The following RGS6 variants were observed in gnomAD, a reference collection of about 807,000 sequenced individuals.
RGS6 encodes the protein regulator of G-protein signaling 6.
RGS6 carries 30 observed loss-of-function variants against 78.5 expected under a neutral mutation model. The observed-to-expected ratio is 0.38, with a 90% CI of 0.29 to 0.52. The LOEUF is 0.52. RGS6 is among the 20% of genes least tolerant of loss of function. RGS6 has a pLI of 0.85. For synonymous variants in RGS6, 206 were observed against 206.0 expected (o/e 1.00, Z 0.00); for missense variants, 495 against 609.7 (o/e 0.81, Z 1.98).
At chr14:71,975,169 G>A (rs1409482900) in intron 2 of RGS6, among the ~76,000 whole-genome samples, 1 of 152,054 alleles carries the variant, frequency 6.6e-6, no homozygotes, top group Non-Finnish European at 1.5e-5. Flanking sequence ...CAAAAAGAAA[G>A]TCTTTGTTTC....
chr14:71,945,360 T>A (rs1778945860), intron 1 of RGS6, among the ~76,000 whole-genome samples: 1 of 152,238 alleles, frequency 6.6e-6, no homozygotes, highest in Admixed American at 6.5e-5. Flanking sequence ...TGATTCATAC[T>A]AATTGTTTAA....
At chr14:72,300,008 T>G (rs1252416259) in intron 2 of RGS6, among the ~76,000 whole-genome samples, 1 of 152,170 alleles carries the variant, frequency 6.6e-6, no homozygotes, top group Non-Finnish European at 1.5e-5. Flanking sequence ...TCCTTTTTAC[T>G]ACTTCATTCT....
At chr14:72,283,349 G>A (rs906573783) in intron 2 of RGS6, among the ~76,000 whole-genome samples, 3 of 152,172 alleles carry the variant, frequency 2.0e-5, no homozygotes, top group African/African-American at 7.2e-5. Flanking sequence ...AGGAATCTCT[G>A]AGATGGTTTG....
chr14:72,382,411 A>G (rs961743797), intron 3 of RGS6, among the ~76,000 whole-genome samples: 1 of 152,212 alleles, frequency 6.6e-6, no homozygotes, highest in African/African-American at 2.4e-5. Context: ...ATTTTAATTC[A>G]CTAAACTGGA....
At chr14:72,305,434 A>G (rs767704476) in intron 2 of RGS6, among the ~76,000 whole-genome samples, 1 of 152,222 alleles carries the variant, frequency 6.6e-6, no homozygotes, top group Non-Finnish European at 1.5e-5. Context: ...TCCATTGAGC[A>G]AGTCTATCAG....
the RGS6 span, among the ~76,000 whole-genome samples, chr14:72,616,242 C>T: frequency 4.7e-4 from 72 of 152,282 alleles, no homozygotes; most frequent in Admixed American, 2.8e-3. Context: ...CAGTGTTGGT[C>T]GGAAAGTGAG....
chr14:72,341,917 C>A (rs2077085478), intron 2 of RGS6, among the ~76,000 whole-genome samples: 1 of 151,822 alleles, frequency 6.6e-6, no homozygotes, highest in South Asian at 2.1e-4. Context: ...ATGTTCCCTG[C>A]CTTTTCCAGG....
intron 2 of RGS6, among the ~76,000 whole-genome samples, chr14:72,125,698 T>A (rs149298541): frequency 2.0e-5 from 3 of 152,152 alleles, no homozygotes; most frequent in Non-Finnish European, 4.4e-5. Context: ...AGGGAGGTAA[T>A]TGGTGATCTG....
chr14:72,236,406 G>A (rs2051040796), intron 2 of RGS6, among the ~76,000 whole-genome samples: 1 of 152,038 alleles, frequency 6.6e-6, no homozygotes, highest in South Asian at 2.1e-4. Context: ...ATATATTTCA[G>A]GTAAAATGTG....
intron 4 of RGS6, among the ~76,000 whole-genome samples, chr14:72,454,880 A>G (rs1427165376): frequency 6.6e-6 from 1 of 152,248 alleles, no homozygotes; most frequent in Non-Finnish European, 1.5e-5. Flanking sequence ...AAGTTGTAGC[A>G]CTGTCACTGA....
chr14:72,358,939 G>A (rs2080919710), intron 3 of RGS6, among the ~76,000 whole-genome samples: 1 of 152,206 alleles, frequency 6.6e-6, no homozygotes, highest in South Asian at 2.1e-4. Flanking sequence ...GAAGGATGCA[G>A]TGGGAGGTAA....
At chr14:71,988,343 T>C (rs150877987) in intron 2 of RGS6, among the ~76,000 whole-genome samples, 165 of 152,310 alleles carry the variant, frequency 1.1e-3, no homozygotes, top group Non-Finnish European at 1.7e-3. Flanking sequence ...TTAGGACAGT[T>C]GTCAGCAAGC....
intron 3 of RGS6, among the ~76,000 whole-genome samples, chr14:72,384,512 T>A (rs561627708): frequency 1.3e-5 from 2 of 152,354 alleles, no homozygotes; most frequent in East Asian, 3.9e-4. Flanking sequence ...GCCTAAATTG[T>A]ACTGTTTGCA....
intron 13 of RGS6, among the ~76,000 whole-genome samples, chr14:72,508,562 CTTTTTTTTTTTTTTTT>C (rs61097187): frequency 5.3e-5 from 3 of 56,460 alleles, no homozygotes; most frequent in Admixed American, 2.6e-4. Context: ...ACACAAGCTC[CTTTTTTTTTTTTTTTT>C]TTTTTTTTTT....
At chr14:72,113,477 G>T (rs562776032) in intron 2 of RGS6, among the ~76,000 whole-genome samples, 9 of 152,250 alleles carry the variant, frequency 5.9e-5, no homozygotes, top group Non-Finnish European at 1.2e-4. Flanking sequence ...CCTACATCCT[G>T]CTTCAACTGG....
At chr14:72,164,497 C>T (rs997800936) in intron 2 of RGS6, among the ~76,000 whole-genome samples, 22 of 152,308 alleles carry the variant, frequency 1.4e-4, no homozygotes, top group African/African-American at 5.3e-4. Flanking sequence ...TGGAGATCTT[C>T]TCTGTGTCAA....
At chr14:72,086,933 G>A (rs947803609) in intron 2 of RGS6, among the ~76,000 whole-genome samples, 1 of 152,102 alleles carries the variant, frequency 6.6e-6, no homozygotes, top group Non-Finnish European at 1.5e-5. Flanking sequence ...TAGCTAATGA[G>A]CACCATCCCC....
chr14:72,105,920 A>G (rs1253151285), intron 2 of RGS6, among the ~76,000 whole-genome samples: 1 of 152,202 alleles, frequency 6.6e-6, no homozygotes, highest in Non-Finnish European at 1.5e-5. Flanking sequence ...CCTATGAGAA[A>G]AAGGAAAACA....
chr14:72,577,180 C>G, the RGS6 span, among the ~76,000 whole-genome samples: 30 of 152,336 alleles, frequency 2.0e-4, 2 homozygotes, highest in South Asian at 6.2e-3. Flanking sequence ...TAATCAGTAA[C>G]TCCTGAGTGA....
Sources: gnomAD v4.1 joint callset for allele counts (sites outside exome capture counted in the v4.1 genomes callset) on GRCh38, gnomAD v4.1.1 for gene constraint, MANE v1.5 for transcripts, NCBI Gene and HGNC (gene_info 2026-07-23, HGNC 2026-07-21) for gene names.